Variants in TWIST2 observed in about 807,000 individuals in gnomAD.
TWIST2 encodes twist family bHLH transcription factor 2, also known as twist-related protein 2.
Under a neutral mutation model 11.6 loss-of-function variants are expected in TWIST2, and 1 was observed. That is an observed-to-expected ratio of 0.09 (90% CI 0.03 to 0.41). TWIST2 has a LOEUF of 0.41. Ranked by LOEUF, TWIST2 falls within the 10% of genes least tolerant of loss-of-function variation. The pLI is 0.98. For missense variants in TWIST2, 168 were observed against 226.4 expected (o/e 0.74, Z 1.66); for synonymous variants, 87 against 96.6 (o/e 0.90, Z 0.58).
intron 1 of TWIST2, among the ~76,000 whole-genome samples, chr2:238,886,154 C>T (rs1374886260): frequency 1.3e-5 from 2 of 151,676 alleles, no homozygotes; most frequent in South Asian, 4.2e-4. Context: ...ATAAAATGCA[C>T]CGTGAACTTT....
At chr2:238,896,002 C>A (rs1007047517) in intron 1 of TWIST2, among the ~76,000 whole-genome samples, 7 of 152,324 alleles carry the variant, frequency 4.6e-5, no homozygotes, top group African/African-American at 1.7e-4. Context: ...GGCGTGAAGT[C>A]CTCGCTCCCC....
chr2:238,859,743 C>T (rs1359888981), intron 1 of TWIST2, among the ~76,000 whole-genome samples: 3 of 152,176 alleles, frequency 2.0e-5, no homozygotes, highest in Non-Finnish European at 4.4e-5. Flanking sequence ...TCTAGTTGTG[C>T]CTAAGAGCAT....
chr2:238,909,686 A>C (rs962510812), intron 1 of TWIST2, among the ~76,000 whole-genome samples, 156 bp from the exon 2 acceptor site: 8 of 152,106 alleles, frequency 5.3e-5, no homozygotes, highest in African/African-American at 1.7e-4. Flanking sequence ...TCACCTGCCC[A>C]GTGTCTTTTG....
chr2:238,856,214 G>A (rs1357329549), intron 1 of TWIST2, among the ~76,000 whole-genome samples: 2 of 152,180 alleles, frequency 1.3e-5, no homozygotes, highest in Non-Finnish European at 2.9e-5. Flanking sequence ...ATGCGAGCTG[G>A]CAGCATTGGA....
At chr2:238,886,291 A>G (rs1178788077) in intron 1 of TWIST2, among the ~76,000 whole-genome samples, 2 of 152,024 alleles carry the variant, frequency 1.3e-5, no homozygotes, top group Non-Finnish European at 2.9e-5. Flanking sequence ...AGCTCTTCTT[A>G]GTGTTAATTA....
intron 1 of TWIST2, among the ~76,000 whole-genome samples, chr2:238,902,366 T>C (rs1245299816): frequency 6.7e-6 from 1 of 149,566 alleles, no homozygotes; most frequent in African/African-American, 2.5e-5. Flanking sequence ...AATCGGAGTA[T>C]GTGGTGTATG....
chr2:238,900,074 T>A (rs919895412), intron 1 of TWIST2, among the ~76,000 whole-genome samples: 45 of 152,378 alleles, frequency 3.0e-4, no homozygotes, highest in African/African-American at 9.9e-4. Flanking sequence ...TAGAAAGTTC[T>A]GTTTAATTCT....
At chr2:238,855,879 G>C (rs1692320787) in intron 1 of TWIST2, among the ~76,000 whole-genome samples, 1 of 152,138 alleles carries the variant, frequency 6.6e-6, no homozygotes, top group Non-Finnish European at 1.5e-5. Context: ...GCCTCAGTGT[G>C]TGCTTGGCGA....
intron 1 of TWIST2, among the ~76,000 whole-genome samples, chr2:238,853,103 A>G (rs576778600): frequency 6.6e-6 from 1 of 152,286 alleles, no homozygotes; most frequent in South Asian, 2.1e-4. Context: ...TCCCAGAAAT[A>G]TGAAAGGTGA....
intron 1 of TWIST2, among the ~76,000 whole-genome samples, chr2:238,885,547 G>A (rs538020830): frequency 1.4e-4 from 22 of 152,252 alleles, no homozygotes; most frequent in African/African-American, 4.3e-4. Flanking sequence ...CCAGTGTCTT[G>A]TGGGTGTTTG....
intron 1 of TWIST2, among the ~76,000 whole-genome samples, chr2:238,880,277 GTATT>G (rs1470875215): frequency 1.1e-4 from 16 of 150,276 alleles, no homozygotes; most frequent in Non-Finnish European, 2.2e-4. Context: ...GTTAGTACTA[GTATT>G]TATTAGTGTT....
intron 1 of TWIST2, among the ~76,000 whole-genome samples, chr2:238,903,443 GTGTGGGTC>G (rs1693303683): frequency 7.0e-6 from 1 of 142,574 alleles, no homozygotes. Context: ...GTGATGTGGG[GTGTGGGTC>G]TAATGTGAGG....
rs537552290 is a variant in TWIST2, at chr2:238,868,967, G to A, written c.*35+20234G>A. Among the ~76,000 whole-genome samples, 11 of 152,344 alleles carry A rather than the reference G, an allele frequency of 7.2e-5. No homozygotes were observed. In the South Asian group the frequency reaches 1.0e-3, roughly 14 times the overall value. On this transcript the variant is annotated intron_variant, in intron 1 of 1. Coordinates refer to ENST00000612363, the MANE Select transcript of TWIST2 (RefSeq NM_001271893.4). ...CATCTCAGAGGGGTCAGTTGGCATC[G>A]GTGTCTGGGTTGTGAGAGACAGTGT... is the stretch of plus-strand genomic sequence containing the variant.
chr2:238,861,105 G>A (rs1000183923), intron 1 of TWIST2, among the ~76,000 whole-genome samples: 8 of 152,166 alleles, frequency 5.3e-5, no homozygotes, highest in South Asian at 2.1e-4. Context: ...AGGACTGGCC[G>A]CCGGGGCCCT....
intron 1 of TWIST2, among the ~76,000 whole-genome samples, chr2:238,884,053 C>T (rs1692987901): frequency 6.6e-6 from 1 of 152,226 alleles, no homozygotes; most frequent in Non-Finnish European, 1.5e-5. Context: ...CGAATTCTTC[C>T]AGCCTTCCTC....
chr2:238,860,928 A>G (rs1031890122), intron 1 of TWIST2, among the ~76,000 whole-genome samples: 2 of 152,028 alleles, frequency 1.3e-5, no homozygotes, highest in African/African-American at 4.8e-5. Context: ...ACAGAGCAAG[A>G]CTCCACCTCA....
At chr2:238,907,777 C>T (rs922704996) in intron 1 of TWIST2, among the ~76,000 whole-genome samples, 4 of 151,394 alleles carry the variant, frequency 2.6e-5, no homozygotes, top group East Asian at 1.9e-4. Context: ...AAACACTCCA[C>T]ATACCCACTT....
intron 1 of TWIST2, among the ~76,000 whole-genome samples, chr2:238,881,846 G>A (rs976758235): frequency 2.0e-4 from 30 of 152,280 alleles, no homozygotes; most frequent in African/African-American, 6.5e-4. Flanking sequence ...TGGACATGAC[G>A]AGGGCTTGAG....
At chr2:238,901,187 G>A (rs1301534643) in intron 1 of TWIST2, among the ~76,000 whole-genome samples, 1 of 152,004 alleles carries the variant, frequency 6.6e-6, no homozygotes, top group East Asian at 1.9e-4. Context: ...ATGTTGGCCA[G>A]GCTGGTCTCA....
Sources: allele counts gnomAD v4.1 joint callset (sites outside exome capture counted in the v4.1 genomes callset), GRCh38; gene constraint gnomAD v4.1.1; transcripts MANE v1.5; gene names NCBI Gene and HGNC (gene_info 2026-07-23, HGNC 2026-07-21).